Variants in TTC7A observed in about 807,000 individuals in gnomAD.
The protein encoded by TTC7A is tetratricopeptide repeat domain 7A.
In TTC7A, 110 loss-of-function variants were observed where a neutral mutation model predicts 103.7. The ratio of observed to expected loss-of-function variants is 1.06; its 90% confidence interval spans 0.91 to 1.24. The LOEUF (loss-of-function observed/expected upper bound fraction) is 1.24, where lower values mean the gene tolerates loss of function less well. Ranked by LOEUF, TTC7A falls within the 50% of genes most tolerant of loss-of-function variation. The probability of loss-of-function intolerance (pLI) is 0.00; values close to 1 mark genes in which losing one functional copy is unlikely to be tolerated. For missense variants in TTC7A, 1,340 were observed against 1,116.3 expected, an observed-to-expected ratio of 1.20 and a Z score of -2.86; for synonymous variants, 521 against 467.9, an observed-to-expected ratio of 1.11 and a Z score of -1.47.
intron 8 of TTC7A, chr2:46,999,969 G>C (rs116360483): frequency 9.7e-4 from 903 of 934,578 alleles, no homozygotes; most frequent in Middle Eastern, 4.3e-3. Flanking sequence ...CTGGCTGTTT[G>C]AATCTTGAAT....
At chr2:47,003,229 G>T (rs1677021443) in intron 8 of TTC7A, among the ~76,000 whole-genome samples, 2 of 152,166 alleles carry the variant, frequency 1.3e-5, no homozygotes, top group African/African-American at 4.8e-5. Flanking sequence ...TGTGCCTGGG[G>T]CCAGGAGTCT....
chr2:46,937,447 TAA>T (rs1409253331), upstream of TTC7A, among the ~76,000 whole-genome samples: 1 of 152,204 alleles, frequency 6.6e-6, no homozygotes, highest in Non-Finnish European at 1.5e-5. The surrounding 1 kb of genome is among the most constrained non-coding windows in gnomAD (Gnocchi z 4.0). Flanking sequence ...AAAGCCATTG[TAA>T]AAGACTCTTC....
chr2:47,031,958 C>T (rs1680587515), intron 15 of TTC7A, among the ~76,000 whole-genome samples: 1 of 152,224 alleles, frequency 6.6e-6, no homozygotes, highest in East Asian at 1.9e-4. Flanking sequence ...CTCCTGCGTT[C>T]ATCTTCCCAG....
At chr2:46,965,554 C>T (rs13002842) in intron 3 of TTC7A, among the ~76,000 whole-genome samples, 82,789 of 150,592 alleles carry the variant, frequency 0.55, 23,840 homozygotes, top group East Asian at 0.65. Flanking sequence ...ATCCGTTTTC[C>T]CTGGATTCAT....
chr2:47,036,021 A>G (rs527315887), intron 15 of TTC7A, among the ~76,000 whole-genome samples: 1 of 152,300 alleles, frequency 6.6e-6, no homozygotes, highest in African/African-American at 2.4e-5. Context: ...AAGTTCTTCC[A>G]CCCCTGAATG....
chr2:46,995,216 C>G lies in TTC7A; in HGVS notation c.1065+17C>G, dbSNP rs576588382. On this transcript the variant is annotated intron_variant, in intron 8 of 19. Coordinates refer to ENST00000319190, the MANE Select transcript of TTC7A (RefSeq NM_020458.4). ...GAATCCATGGTAAGCTCCAGGATGT[C>G]CTTCAGGGGCCTCTGGCCCTCTGAC... is the stretch of plus-strand genomic sequence containing the variant. The G allele has an allele frequency of 6.2e-7, 1 of 1,613,416 alleles. No individual in the cohort carries two copies. Among genetic ancestry groups the G allele is most frequent in the Non-Finnish European group, 8.5e-7 (1 of 1,179,642 alleles).
intron 8 of TTC7A, among the ~76,000 whole-genome samples, chr2:47,005,386 C>G (rs1186282963): frequency 6.6e-6 from 1 of 152,172 alleles, no homozygotes; most frequent in Non-Finnish European, 1.5e-5. Context: ...TTAGCCAAAA[C>G]TCTTGCTGTA....
At chr2:46,966,838 GAATC>G (rs1242026725) in intron 3 of TTC7A, among the ~76,000 whole-genome samples, 1 of 145,884 alleles carries the variant, frequency 6.9e-6, no homozygotes, top group Non-Finnish European at 1.5e-5. Context: ...TAGAATTACT[GAATC>G]ATAGAGTATA....
intron 3 of TTC7A, among the ~76,000 whole-genome samples, chr2:46,967,767 G>GTA (rs1200804294): frequency 6.6e-6 from 1 of 152,144 alleles, no homozygotes; most frequent in East Asian, 1.9e-4. Flanking sequence ...ATTCTTTTGG[G>GTA]TATATACCTG....
rs187339282 is a variant in TTC7A, at chr2:46,920,132, C to T, written c.82+2855C>T. ...GCACACATCACTCCTAATGAAAAGT[C>T]TGACTGTTGATTTCTTCAAATTCAT... On this transcript the variant is annotated intron_variant, in intron 2 of 20. Coordinates refer to the TTC7A transcript ENST00000409245. Among the ~76,000 whole-genome samples, 48 of 152,274 alleles carry T rather than the reference C, an allele frequency of 3.2e-4. No individual in the cohort carries two copies. The East Asian group carries it at 3.9e-3, about 12-fold the overall frequency.
intron 8 of TTC7A, among the ~76,000 whole-genome samples, chr2:47,003,232 A>G (rs1677022278): frequency 6.6e-6 from 1 of 152,176 alleles, no homozygotes; most frequent in Non-Finnish European, 1.5e-5. Context: ...GCCTGGGGCC[A>G]GGAGTCTAGC....
chr2:47,021,781 C>T lies in TTC7A; in HGVS notation c.1393-81C>T, dbSNP rs562538735. 20 of 1,093,612 alleles carry T rather than the reference C, an allele frequency of 1.8e-5. 1 individual carries two copies. The highest frequency in any genetic ancestry group is 4.6e-5 in the African/African-American group (3 of 64,918). 67.7% of individuals were successfully genotyped at this position (1,093,612 alleles called of 1,614,324 possible). A position where few individuals can be genotyped will look rare whatever the true frequency, so the allele number is the denominator to read the frequency against. ...GACCTTGAGCACAAGGCTTCTGTTT[C>T]GGGAACAGGTCCAGGGAGTCATTCA... On this transcript the variant is annotated intron_variant, in intron 11 of 19. Transcript: ENST00000319190.
At chr2:47,056,599 A>G (rs1021449651) in intron 18 of TTC7A, among the ~76,000 whole-genome samples, 1 of 152,222 alleles carries the variant, frequency 6.6e-6, no homozygotes, top group Non-Finnish European at 1.5e-5. Context: ...GACTGGAACC[A>G]GCTCTGGGTG....
chr2:47,027,747 G>A (rs1252720622), intron 14 of TTC7A, among the ~76,000 whole-genome samples: 1 of 152,178 alleles, frequency 6.6e-6, no homozygotes, highest in African/African-American at 2.4e-5. Context: ...CCAGCAGGGT[G>A]CAAGGGCCAG....
intron 5 of TTC7A, among the ~76,000 whole-genome samples, chr2:46,979,199 G>T (rs1338862043): frequency 6.6e-6 from 1 of 152,164 alleles, no homozygotes; most frequent in African/African-American, 2.4e-5. Context: ...AGGGTGGAGG[G>T]CATCTGGGAG....
chr2:47,022,870 G>C (rs989049001), intron 12 of TTC7A, among the ~76,000 whole-genome samples: 9 of 152,240 alleles, frequency 5.9e-5, no homozygotes, highest in African/African-American at 2.2e-4. Context: ...TCTGACAACT[G>C]TCAATGCTTG....
At chr2:46,923,821 C>T (rs1669238958) in intron 2 of TTC7A, among the ~76,000 whole-genome samples, 1 of 152,076 alleles carries the variant, frequency 6.6e-6, no homozygotes, top group Admixed American at 6.5e-5. Context: ...CAACCTCTGC[C>T]TCCCAGGTTC....
At chr2:46,929,764 G>A (rs1315102626) in intron 2 of TTC7A, among the ~76,000 whole-genome samples, 1 of 152,194 alleles carries the variant, frequency 6.6e-6, no homozygotes, top group East Asian at 1.9e-4. Context: ...TATTCACAAA[G>A]ATTCACTGCC....
chr2:47,064,466 G>A (rs570615023), intron 19 of TTC7A, among the ~76,000 whole-genome samples: 5 of 152,356 alleles, frequency 3.3e-5, no homozygotes, highest in Non-Finnish European at 5.9e-5. Flanking sequence ...ATGGGGAAAC[G>A]TGAGAAGGAA....
Sources: gnomAD v4.1 joint callset for allele counts (sites outside exome capture counted in the v4.1 genomes callset) on GRCh38, gnomAD v4.1.1 for gene constraint, Gnocchi (gnomAD v3.1) non-coding constraint, MANE v1.5 for transcripts, NCBI Gene and HGNC (gene_info 2026-07-23, HGNC 2026-07-21) for gene names.